The following SEC14L5 variants were observed in gnomAD, a reference collection of about 807,000 sequenced individuals.
The protein encoded by SEC14L5 is SEC14-like protein 5.
A neutral mutation model predicts 84.6 loss-of-function variants in SEC14L5; 96 were observed. That is an observed-to-expected ratio of 1.13 (90% confidence interval 0.96 to 1.34). The LOEUF (loss-of-function observed/expected upper bound fraction) is 1.34. Among genes scored for constraint, SEC14L5 ranks in the 40% most tolerant of loss-of-function variants. SEC14L5 has a pLI of 0.00. For missense variants in SEC14L5, 1,224 were observed against 942.5 expected (o/e 1.30, Z -3.91); for synonymous variants, 546 against 383.4 (o/e 1.42, Z -4.95).
At chr16:4,973,218 C>G (rs1428297080) in intron 2 of SEC14L5, among the ~76,000 whole-genome samples, 1 of 152,188 alleles carries the variant, frequency 6.6e-6, no homozygotes, top group African/African-American at 2.4e-5. Flanking sequence ...CTGCCCCTCC[C>G]CCACGCGCCG....
At chr16:4,990,635 A>G (rs1955542459) in intron 4 of SEC14L5, 132 bp from the exon 5 acceptor site, 1 of 839,648 alleles carries the variant, frequency 1.2e-6, no homozygotes. Flanking sequence ...CTGCTACCCC[A>G]TCCAGGGTTG....
chr16:4,985,506 G>C (rs1487967635), intron 2 of SEC14L5, among the ~76,000 whole-genome samples: 1 of 152,190 alleles, frequency 6.6e-6, no homozygotes, highest in Non-Finnish European at 1.5e-5. Context: ...GGGATTAGAA[G>C]CGTGAGCCAC....
chr16:5,007,546 G>C (rs1428293695), intron 13 of SEC14L5, 60 bp downstream of exon 13: 1 of 1,480,036 alleles, frequency 6.8e-7, no homozygotes, highest in African/African-American at 1.4e-5. Flanking sequence ...CTTAGGTCAG[G>C]TGACCCCAAA....
At chr16:4,959,570 C>G (rs1955093647) in intron 2 of SEC14L5, among the ~76,000 whole-genome samples, 184 bp downstream of exon 2, 1 of 152,092 alleles carries the variant, frequency 6.6e-6, no homozygotes, top group Non-Finnish European at 1.5e-5. Context: ...TATCCTCGGC[C>G]CAGTGACCAA....
In SEC14L5 at chr16:4,987,577, C is replaced by G. The variant is rs1049366794; in HGVS notation, c.84C>G (p.Pro28=). The change falls in exon 3 of 16, where the codon CCC becomes CCG. Residue 28 remains proline, a synonymous_variant. Transcript: ENST00000251170. ...CCCAGGCCTACGAGAAGCGTTTCCCCACGTGCCCACAGATCCCAGTCTTCC... is the reference window on the plus strand; with the variant it reads ...CCCAGGCCTACGAGAAGCGTTTCCCGACGTGCCCACAGATCCCAGTCTTCC... The part of the protein sequence containing the change: ...LVMAAYEKRF[P]TCPQIPVFLG... 6 of 1,560,806 alleles carry G rather than the reference C, an allele frequency of 3.8e-6. No individual in the cohort carries two copies. The African/African-American group carries it at 5.5e-5, about 14-fold the overall frequency.
At chr16:4,995,650 G>A (rs1215715508) in intron 6 of SEC14L5, among the ~76,000 whole-genome samples, 4 of 140,642 alleles carry the variant, frequency 2.8e-5, no homozygotes, top group Admixed American at 7.3e-5. Context: ...TTTTTAAGAC[G>A]GAGTCTCACT....
intron 12 of SEC14L5, 112 bp downstream of exon 12, chr16:5,006,160 A>G (rs899482941): frequency 5.9e-5 from 64 of 1,081,804 alleles, no homozygotes; most frequent in Non-Finnish European, 7.7e-5. Context: ...TGGGTGCGGC[A>G]TGTGCACTCT....
At position 5,015,027 on chromosome 16, in the gene SEC14L5, A is replaced by G; in HGVS notation, c.*57A>G. The G allele has an allele frequency of 7.3e-7, 1 of 1,369,172 alleles. No homozygotes were observed. Among genetic ancestry groups the G allele is most frequent in the Non-Finnish European group, 1.0e-6 (1 of 973,306 alleles). 84.8% of individuals were successfully genotyped at this position (1,369,172 alleles called of 1,614,324 possible). Reference sequence around the variant, plus strand: ...CCTCCAGTGTCCAGAAATGTCCAGAATGAGAAGCCAGCTAACTGCAGGGCC... The same window carrying G: ...CCTCCAGTGTCCAGAAATGTCCAGAGTGAGAAGCCAGCTAACTGCAGGGCC... On this transcript the variant is annotated 3_prime_UTR_variant, in exon 16 of 16. Transcript: ENST00000251170.
intron 2 of SEC14L5, among the ~76,000 whole-genome samples, chr16:4,976,994 G>A (rs367568609): frequency 2.6e-5 from 4 of 152,178 alleles, no homozygotes; most frequent in East Asian, 1.9e-4. Context: ...GTTTGATCCC[G>A]TAGGACCTTG....
At chr16:4,971,674 C>T (rs150264005) in intron 2 of SEC14L5, among the ~76,000 whole-genome samples, 1 of 152,176 alleles carries the variant, frequency 6.6e-6, no homozygotes, top group South Asian at 2.1e-4. Flanking sequence ...CTGCTGATGT[C>T]CCCTGGGAGT....
rs749716900 is a variant in SEC14L5 at position 4,988,199 on chromosome 16, GA to G, written c.266del (p.Lys89ArgfsTer20). On this transcript the variant is annotated frameshift_variant, in exon 4 of 16. Coordinates refer to ENST00000251170, the MANE Select transcript of SEC14L5 (RefSeq NM_014692.2). LOFTEE classifies it high-confidence loss of function. The stretch of plus-strand genomic sequence containing the variant: ...TCGTGCAGACAAACATCTTGAACTG[GA>G]AGGAGAGGACGCTCCTCATCGAAGC... ...VFVQTNILNW[K>X]ERTLLIEAHN... 2 of 1,613,866 alleles carry G rather than the reference GA, an allele frequency of 1.2e-6. No individual in the cohort carries two copies. The highest frequency in any genetic ancestry group is 4.5e-5 in the East Asian group (2 of 44,874).
chr16:5,003,192 A>G (rs1328832225), intron 10 of SEC14L5, among the ~76,000 whole-genome samples: 1 of 152,228 alleles, frequency 6.6e-6, no homozygotes. Context: ...TAAGGCTCTC[A>G]GGGGTGCAGG....
Position 4,959,200 on chromosome 16 carries a change from C to T in SEC14L5, c.-51-73C>T. On this transcript the variant is annotated intron_variant, in intron 1 of 15. Coordinates refer to ENST00000251170, the MANE Select transcript of SEC14L5 (RefSeq NM_014692.2). The stretch of plus-strand genomic sequence containing the variant: ...GTGTGGGTGGGGCCAGGGGCTGCCC[C>T]TTACACTTGGTGGGTGGTGTCCCTG... 4.0e-6 allele frequency: 3 copies of T among 744,144 alleles called. No homozygotes were observed. In the South Asian group the frequency reaches 4.5e-5, roughly 11 times the overall value. The allele number at this position is 744,144 out of a possible 1,614,324, so 46.1% of individuals were successfully genotyped here. A position where few individuals can be genotyped will look rare whatever the true frequency, so the allele number is the denominator to read the frequency against.
chr16:4,998,471 G>C (rs1030392514), intron 8 of SEC14L5, among the ~76,000 whole-genome samples: 1 of 150,894 alleles, frequency 6.6e-6, no homozygotes, highest in Non-Finnish European at 1.5e-5. Context: ...GGGCGCGGTG[G>C]CTCACGCCTG....
At chr16:4,965,489 G>A (rs572484353) in intron 2 of SEC14L5, among the ~76,000 whole-genome samples, 3 of 150,814 alleles carry the variant, frequency 2.0e-5, no homozygotes, top group South Asian at 2.1e-4. Context: ...GTGAAACCGC[G>A]TCTCTACTAA....
intron 2 of SEC14L5, among the ~76,000 whole-genome samples, chr16:4,970,000 T>G (rs548284617): frequency 1.3e-5 from 2 of 152,014 alleles, no homozygotes; most frequent in African/African-American, 4.8e-5. Flanking sequence ...GTATCTTTTG[T>G]ATAGAAGGGT....
intron 13 of SEC14L5, 43 bp downstream of exon 13, chr16:5,007,529 C>A (rs1168334508): frequency 6.3e-7 from 1 of 1,598,214 alleles, no homozygotes; most frequent in Non-Finnish European, 8.5e-7. Context: ...GCTGGAGTGT[C>A]TGTCGTCTTA....
chr16:5,004,195 G>A (rs1955707533), intron 11 of SEC14L5, among the ~76,000 whole-genome samples: 1 of 152,214 alleles, frequency 6.6e-6, no homozygotes, highest in Non-Finnish European at 1.5e-5. Context: ...AGGGACCCAT[G>A]GAGGGTTCAG....
Position 4,996,419 on chromosome 16 carries a change from A to G in SEC14L5, c.739A>G (p.Ile247Val). 1 of 1,574,158 alleles carries G rather than the reference A, an allele frequency of 6.4e-7. No homozygotes were observed. ...HLTPMQESCL[I>V]QLRHWLQETH... ...CACGCCCATGCAGGAGAGCTGCCTG[A>G]TCCAGCTTCGGCACTGGTTACAGGA... Residue 247 changes from isoleucine to valine, a missense_variant, in exon 7 of 16, where the codon ATC becomes GTC. Coordinates refer to ENST00000251170, the MANE Select transcript of SEC14L5 (RefSeq NM_014692.2).
Sources: allele counts gnomAD v4.1 joint callset (sites outside exome capture counted in the v4.1 genomes callset), GRCh38; gene constraint gnomAD v4.1.1; transcripts MANE v1.5; gene names NCBI Gene and HGNC (gene_info 2026-07-23, HGNC 2026-07-21).